Variants in LRRC4C observed in about 807,000 individuals in gnomAD.
LRRC4C encodes leucine-rich repeat-containing protein 4C.
A neutral mutation model predicts 33.6 loss-of-function variants in LRRC4C; 5 were observed. The ratio of observed to expected loss-of-function variants is 0.15; its 90% CI spans 0.08 to 0.31. The LOEUF (loss-of-function observed/expected upper bound fraction) is 0.31. LRRC4C is among the 10% of genes least tolerant of loss of function. LRRC4C has a pLI of 1.00. For synonymous variants in LRRC4C, 329 were observed against 302.0 expected (o/e 1.09, Z -0.93); for missense variants, 560 against 796.7 (o/e 0.70, Z 3.58).
chr11:40,822,453 TG>T (rs1453278678), intron 2 of LRRC4C, among the ~76,000 whole-genome samples: 1 of 151,798 alleles, frequency 6.6e-6, no homozygotes, highest in Non-Finnish European at 1.5e-5. Flanking sequence ...TTGGCTATTG[TG>T]AATGATGCTG....
chr11:40,311,994 T>C (rs1945337856), intron 4 of LRRC4C, among the ~76,000 whole-genome samples: 1 of 150,356 alleles, frequency 6.7e-6, no homozygotes, highest in African/African-American at 2.4e-5. Flanking sequence ...TACATTACAG[T>C]GCTTTATGGT....
chr11:40,750,476 A>T (rs963459958), intron 2 of LRRC4C, among the ~76,000 whole-genome samples: 1 of 151,982 alleles, frequency 6.6e-6, no homozygotes, highest in African/African-American at 2.4e-5. Context: ...ATGCAGCCAT[A>T]AAAAAGGATG....
intron 3 of LRRC4C, among the ~76,000 whole-genome samples, chr11:40,348,272 TAAA>T (rs71060953): frequency 1.4e-5 from 2 of 146,352 alleles, no homozygotes; most frequent in Admixed American, 1.4e-4. Flanking sequence ...TTCAATTTGT[TAAA>T]AAAAAAAACC....
At chr11:40,274,181 A>G (rs1339378844) in intron 4 of LRRC4C, among the ~76,000 whole-genome samples, 1 of 152,000 alleles carries the variant, frequency 6.6e-6, no homozygotes, top group Non-Finnish European at 1.5e-5. Flanking sequence ...CTGCTCCCCA[A>G]AAGCATGAAT....
intron 1 of LRRC4C, among the ~76,000 whole-genome samples, chr11:41,401,963 T>C (rs572440182): frequency 6.6e-6 from 1 of 152,112 alleles, no homozygotes; most frequent in African/African-American, 2.4e-5. Context: ...CTGCCTCATT[T>C]ATTCATTCAC....
intron 3 of LRRC4C, among the ~76,000 whole-genome samples, chr11:40,498,716 A>G (rs1954594262): frequency 6.6e-6 from 1 of 151,626 alleles, no homozygotes; most frequent in Non-Finnish European, 1.5e-5. Context: ...AATTGTTTTT[A>G]ATAAACAATG....
chr11:40,713,637 A>G (rs1017658584), intron 2 of LRRC4C, among the ~76,000 whole-genome samples: 1 of 152,228 alleles, frequency 6.6e-6, no homozygotes, highest in East Asian at 1.9e-4. Context: ...AAGTCAGGCT[A>G]TAATAGAGTA....
At chr11:40,496,524 A>AT (rs1373807379) in intron 3 of LRRC4C, among the ~76,000 whole-genome samples, 4 of 151,784 alleles carry the variant, frequency 2.6e-5, no homozygotes, top group East Asian at 3.9e-4. Context: ...TTTTATTATT[A>AT]TTTTTTTTAA....
At chr11:40,760,410 A>G (rs904013330) in intron 2 of LRRC4C, among the ~76,000 whole-genome samples, 3 of 105,200 alleles carry the variant, frequency 2.9e-5, no homozygotes, top group Non-Finnish European at 6.9e-5. Flanking sequence ...TTGGTCCTTT[A>G]CCAAAAAAAA....
intron 5 of LRRC4C, among the ~76,000 whole-genome samples, chr11:40,153,890 C>T (rs1420409696): frequency 6.6e-6 from 1 of 152,098 alleles, no homozygotes; most frequent in Non-Finnish European, 1.5e-5. Context: ...CTTCCCTGGC[C>T]TAGCTAGAGA....
rs575973002 is a variant in LRRC4C at position 41,279,381 on chromosome 11, A to AACACACACAC, written c.-496+180040_-496+180049dup. ...CCATCCCATCACATACACACACACA[A>AACACACACAC]ACACACACACACACACACACACACA... On this transcript the variant is annotated intron_variant, in intron 1 of 6. Transcript: ENST00000528697. Among the ~76,000 whole-genome samples the AACACACACAC allele has an allele frequency of 3.0e-3, 378 of 126,440 alleles. 6 individuals are homozygous for AACACACACAC. In the East Asian group the frequency reaches 0.034, roughly 11 times the overall value. The allele number at this position is 126,440 out of a possible 152,430, so 82.9% of individuals were successfully genotyped here.
intron 1 of LRRC4C, among the ~76,000 whole-genome samples, chr11:41,366,150 G>A (rs530723015): frequency 1.3e-5 from 2 of 151,928 alleles, no homozygotes; most frequent in African/African-American, 4.8e-5. Flanking sequence ...AAGCATATAT[G>A]TGTGCCTGTT....
chr11:40,646,186 A>C (rs1424680112), intron 3 of LRRC4C, among the ~76,000 whole-genome samples: 2 of 152,198 alleles, frequency 1.3e-5, no homozygotes, highest in African/African-American at 2.4e-5. Flanking sequence ...TTAAAGGGAA[A>C]GCAGCTGCAG....
intron 3 of LRRC4C, among the ~76,000 whole-genome samples, chr11:40,551,876 C>G (rs1340915291): frequency 2.6e-5 from 4 of 152,124 alleles, no homozygotes; most frequent in Non-Finnish European, 2.9e-5. Flanking sequence ...ATACACTGGT[C>G]TAAATGTTGT....
chr11:41,085,928 C>CAAAAAAAAAAAAAAAAAAAA (rs10717008), intron 1 of LRRC4C, among the ~76,000 whole-genome samples: 5 of 80,176 alleles, frequency 6.2e-5, no homozygotes, highest in East Asian at 4.3e-4. Flanking sequence ...TTTAAGACAC[C>CAAAAAAAAAAAAAAAAAAAA]AAAAAAAAAA....
At chr11:40,593,858 A>AT (rs1190920311) in intron 3 of LRRC4C, among the ~76,000 whole-genome samples, 1 of 152,208 alleles carries the variant, frequency 6.6e-6, no homozygotes, top group African/African-American at 2.4e-5. Flanking sequence ...TATCCTTTAG[A>AT]TTTATTTAAA....
intron 4 of LRRC4C, among the ~76,000 whole-genome samples, chr11:40,308,644 C>G (rs1945156273): frequency 6.6e-6 from 1 of 151,674 alleles, no homozygotes; most frequent in Non-Finnish European, 1.5e-5. Flanking sequence ...CAACCACAAA[C>G]TTTTTTTTTC....
At chr11:41,055,809 G>A (rs895988927) in intron 1 of LRRC4C, among the ~76,000 whole-genome samples, 2 of 152,036 alleles carry the variant, frequency 1.3e-5, no homozygotes, top group African/African-American at 2.4e-5. Flanking sequence ...TAACTCTCTA[G>A]TGCTTACCCA....
chr11:41,454,675 G>T (rs1956124692), intron 1 of LRRC4C, among the ~76,000 whole-genome samples: 1 of 151,984 alleles, frequency 6.6e-6, no homozygotes, highest in Non-Finnish European at 1.5e-5. Flanking sequence ...ATCTGAAAAG[G>T]GTACTTAGGC....
Sources: allele counts gnomAD v4.1 joint callset (sites outside exome capture counted in the v4.1 genomes callset), GRCh38; gene constraint gnomAD v4.1.1; transcripts MANE v1.5; gene names NCBI Gene and HGNC (gene_info 2026-07-23, HGNC 2026-07-21).